The following TRAPPC9 variants were observed in gnomAD, a reference collection of about 807,000 sequenced individuals.
The protein encoded by TRAPPC9 is IKK2 binding protein.
A neutral mutation model predicts 124.0 loss-of-function variants in TRAPPC9; 83 were observed. That is an observed-to-expected ratio of 0.67 (90% CI 0.56 to 0.80). The LOEUF is 0.80. Ranked by LOEUF, TRAPPC9 falls within the 30% of genes least tolerant of loss-of-function variation. TRAPPC9 has a pLI of 0.00. For synonymous variants in TRAPPC9, 638 were observed against 617.5 expected (o/e 1.03, Z -0.49); for missense variants, 1,302 against 1,508.3 (o/e 0.86, Z 2.27).
chr8:139,960,158 C>A (rs1835285788), intron 19 of TRAPPC9, among the ~76,000 whole-genome samples: 1 of 152,168 alleles, frequency 6.6e-6, no homozygotes, highest in Admixed American at 6.5e-5. Context: ...TTAAATATAA[C>A]CCCGTCTGGC....
At chr8:140,144,693 G>C (rs1471978178) in intron 17 of TRAPPC9, among the ~76,000 whole-genome samples, 1 of 152,070 alleles carries the variant, frequency 6.6e-6, no homozygotes, top group East Asian at 1.9e-4. Context: ...CACCATGTTG[G>C]TCAGGCTGGT....
intron 7 of TRAPPC9, among the ~76,000 whole-genome samples, chr8:140,396,362 C>T (rs2069096976): frequency 6.6e-6 from 1 of 151,932 alleles, no homozygotes. Context: ...AGGATGGTCT[C>T]GATCTCCTGA....
chr8:140,318,494 C>A (rs1400013791), intron 9 of TRAPPC9, among the ~76,000 whole-genome samples: 1 of 152,220 alleles, frequency 6.6e-6, no homozygotes, highest in Non-Finnish European at 1.5e-5. Context: ...TCCTGTCTAA[C>A]TGAGGCTTTC....
chr8:140,308,620 C>T (rs1036945620), intron 10 of TRAPPC9, among the ~76,000 whole-genome samples: 5 of 152,124 alleles, frequency 3.3e-5, no homozygotes, highest in African/African-American at 9.7e-5. Context: ...TAGTGGCTCA[C>T]GCCTGTAATC....
chr8:140,275,615 C>T, intron 15 of TRAPPC9, 43 bp downstream of exon 15: 1 of 1,595,586 alleles, frequency 6.3e-7, no homozygotes, highest in African/African-American at 1.3e-5. Flanking sequence ...TACAAGTAAA[C>T]AATACAAACA....
intron 9 of TRAPPC9, among the ~76,000 whole-genome samples, chr8:140,332,400 T>C (rs912445492): frequency 4.6e-5 from 7 of 152,190 alleles, no homozygotes; most frequent in East Asian, 3.9e-4. Flanking sequence ...AAGTGTCCTA[T>C]AGCACTGTAG....
chr8:140,023,821 G>A (rs968341417), intron 18 of TRAPPC9, 116 bp downstream of exon 18: 33 of 1,500,596 alleles, frequency 2.2e-5, no homozygotes, highest in Non-Finnish European at 3.0e-5. Flanking sequence ...CAGCAACTTG[G>A]CCCCATGGCA....
At chr8:140,308,678 C>T (rs1337820933) in intron 10 of TRAPPC9, among the ~76,000 whole-genome samples, 4 of 152,000 alleles carry the variant, frequency 2.6e-5, no homozygotes, top group Non-Finnish European at 5.9e-5. Context: ...GTCAGGAGTT[C>T]GAGACCAGCC....
chr8:139,805,115 G>T (rs1049843456), intron 21 of TRAPPC9, among the ~76,000 whole-genome samples: 5 of 152,220 alleles, frequency 3.3e-5, no homozygotes, highest in African/African-American at 1.2e-4. Context: ...GGGGTTGCAG[G>T]TGAAGGTCAG....
chr8:140,089,176 C>T (rs934301755), intron 17 of TRAPPC9, among the ~76,000 whole-genome samples: 11 of 152,220 alleles, frequency 7.2e-5, no homozygotes. Flanking sequence ...CCTCAATGCA[C>T]TGATGGCCTT....
intron 19 of TRAPPC9, among the ~76,000 whole-genome samples, chr8:139,929,565 T>C (rs1362466108): frequency 6.6e-6 from 1 of 151,734 alleles, no homozygotes; most frequent in East Asian, 1.9e-4. Context: ...GCAGCCTCAG[T>C]TCTTGGCTTT....
At position 140,390,111 on chromosome 8, in the gene TRAPPC9, C is replaced by A. The variant is rs141713375; in HGVS notation, c.1134+7509G>T. Among the ~76,000 whole-genome samples the A allele has an allele frequency of 9.6e-3, 1,465 of 152,214 alleles. 12 individuals are homozygous for A. Among genetic ancestry groups the A allele is most frequent in the African/African-American group, 0.033 (1,373 of 41,524 alleles). On this transcript the variant is annotated intron_variant, in intron 7 of 22. Coordinates refer to ENST00000438773, the MANE Select transcript of TRAPPC9 (RefSeq NM_001160372.4). ...TTGAAGTCAGGAGTTCAAGACCAGC[C>A]TGGCCAACATGATGAAACCCCATCT...
chr8:140,052,421 G>C (rs1463393775), intron 17 of TRAPPC9, among the ~76,000 whole-genome samples: 3 of 152,180 alleles, frequency 2.0e-5, no homozygotes, highest in Non-Finnish European at 4.4e-5. Flanking sequence ...AGGATCACAT[G>C]AGTCCAAGAA....
chr8:139,922,787 G>A (rs1832592446), intron 19 of TRAPPC9, among the ~76,000 whole-genome samples: 1 of 152,204 alleles, frequency 6.6e-6, no homozygotes, highest in Admixed American at 6.5e-5. Flanking sequence ...TAAAGGACGG[G>A]TCCAAATCCA....
At chr8:140,195,778 AAC>A (rs2062641178) in intron 17 of TRAPPC9, among the ~76,000 whole-genome samples, 2 of 152,054 alleles carry the variant, frequency 1.3e-5, no homozygotes, top group Admixed American at 1.3e-4. Context: ...GTGACACTAA[AAC>A]ACATTGAACA....
intron 17 of TRAPPC9, among the ~76,000 whole-genome samples, chr8:140,192,596 C>T (rs758577524): frequency 2.6e-5 from 4 of 152,236 alleles, no homozygotes; most frequent in East Asian, 1.9e-4. Context: ...TGCAGAGCCT[C>T]GCTTCAATAC....
intron 10 of TRAPPC9, among the ~76,000 whole-genome samples, chr8:140,304,373 G>A (rs1239460349): frequency 6.6e-6 from 1 of 152,122 alleles, no homozygotes; most frequent in Non-Finnish European, 1.5e-5. Context: ...AGTATTACAG[G>A]TATGAACCAC....
chr8:140,150,626 G>C (rs2061529815), intron 17 of TRAPPC9, among the ~76,000 whole-genome samples: 1 of 152,202 alleles, frequency 6.6e-6, no homozygotes, highest in Admixed American at 6.5e-5. Context: ...CCAGAGAGGA[G>C]ATGAGATCAT....
intron 16 of TRAPPC9, among the ~76,000 whole-genome samples, chr8:140,228,053 C>T (rs1322020949): frequency 6.6e-6 from 1 of 152,250 alleles, no homozygotes; most frequent in East Asian, 1.9e-4. Context: ...TTCCACTAAA[C>T]CGATCACAAG....
Sources: gnomAD v4.1 joint callset for allele counts (sites outside exome capture counted in the v4.1 genomes callset) on GRCh38, gnomAD v4.1.1 for gene constraint, MANE v1.5 for transcripts, NCBI Gene and HGNC (gene_info 2026-07-23, HGNC 2026-07-21) for gene names.